The following CACTIN variants were observed in gnomAD, a reference collection of about 807,000 sequenced individuals.
The protein encoded by CACTIN is splicing factor Cactin.
A neutral mutation model predicts 84.9 loss-of-function variants in CACTIN; 20 were observed. That is an observed-to-expected ratio of 0.24 (90% CI 0.17 to 0.34). The LOEUF (loss-of-function observed/expected upper bound fraction) is 0.34, where lower values mean the gene tolerates loss of function less well. Ranked by LOEUF, CACTIN falls within the 10% of genes least tolerant of loss-of-function variation. The probability of loss-of-function intolerance (pLI) is 1.00; values close to 1 mark genes in which losing one functional copy is unlikely to be tolerated. For missense variants in CACTIN, 897 were observed against 1,117.2 expected, an observed-to-expected ratio of 0.80 and a Z score of 2.81; for synonymous variants, 549 against 467.9, an observed-to-expected ratio of 1.17 and a Z score of -2.24.
intron 6 of CACTIN, 176 bp from the exon 7 acceptor site, chr19:3,614,765 C>G: frequency 8.0e-6 from 5 of 622,406 alleles, no homozygotes; most frequent in Non-Finnish European, 2.9e-6. Flanking sequence ...CTGGCCACAG[C>G]GGAGGGGAGG....
Position 3,622,898 on chromosome 19 carries a change from G to A in CACTIN, c.642+790C>T, listed in dbSNP as rs147117128. ...AGGTTGGGCTGGTGTTCGGGGCAAAGAATGGCTGAAGCTTACACCGCAAGA... is the reference window on the plus strand; with the variant it reads ...AGGTTGGGCTGGTGTTCGGGGCAAAAAATGGCTGAAGCTTACACCGCAAGA... On this transcript the variant is annotated intron_variant, in intron 2 of 9. Coordinates refer to ENST00000429344, the MANE Select transcript of CACTIN (RefSeq NM_001080543.2). 1.4e-3 allele frequency among the ~76,000 whole-genome samples: 215 copies of A among 152,336 alleles called. 1 individual carries two copies. Among genetic ancestry groups the A allele is most frequent in the African/African-American group, 5.1e-3 (211 of 41,576 alleles).
rs2032928674 is a variant in CACTIN at position 3,610,781 on chromosome 19, G to C, written c.*1142C>G. ...CGGAACTATTTCCAGATGAGGCGGG[G>C]TGTCTGGGAGGGGCTGTGGGTGGTC... On this transcript the variant is annotated 3_prime_UTR_variant, in exon 10 of 10. Coordinates refer to ENST00000429344, the MANE Select transcript of CACTIN (RefSeq NM_001080543.2). 1 of 456,908 alleles carries C rather than the reference G, an allele frequency of 2.2e-6. No individual in the cohort carries two copies. Among genetic ancestry groups the C allele is most frequent in the Non-Finnish European group, 4.4e-6 (1 of 227,048 alleles). The allele number at this position is 456,908 out of a possible 1,614,324, so 28.3% of individuals were successfully genotyped here. A position where few individuals can be genotyped will look rare whatever the true frequency, so the allele number is the denominator to read the frequency against.
At position 3,612,307 on chromosome 19, in the gene CACTIN, G is replaced by A; in HGVS notation, c.1893C>T (p.Ala631=). The A allele has an allele frequency of 6.2e-7, 1 of 1,612,902 alleles. No individual in the cohort carries two copies. The highest frequency in any genetic ancestry group is 1.7e-5 in the Admixed American group (1 of 60,034). The change falls in exon 10 of 10, where the codon GCC becomes GCT. Residue 631 remains alanine, a synonymous_variant. Transcript: ENST00000429344. ...FSVEMPLTGK[A]YLWADKYRPR... ...GCCGGTACTTGTCGGCCCACAGGTAGGCCTTGCCGGTGAGTGGCATCTCCA... is the reference window on the plus strand; with the variant it reads ...GCCGGTACTTGTCGGCCCACAGGTAAGCCTTGCCGGTGAGTGGCATCTCCA...
At chr19:3,612,822 G>C in intron 9 of CACTIN, 1 of 714,144 alleles carries the variant, frequency 1.4e-6, no homozygotes, top group Non-Finnish European at 2.5e-6. Context: ...ACAGCGGCCG[G>C]TAAAAGCTTC....
In CACTIN at chr19:3,612,655, C is replaced by A. The variant is rs571773162; in HGVS notation, c.1787-242G>T. On this transcript the variant is annotated intron_variant, in intron 9 of 9. Transcript: ENST00000429344. Reference sequence around the variant, plus strand: ...TCCTGGGTGGGGACCAAGCGCAGCGCGCTTCCCCGCCGAGCGACAGGAGAA... The same window carrying A: ...TCCTGGGTGGGGACCAAGCGCAGCGAGCTTCCCCGCCGAGCGACAGGAGAA... The A allele has an allele frequency of 4.1e-4, 292 of 719,878 alleles. 2 individuals are homozygous for A. The African/African-American group carries it at 4.8e-3, about 12-fold the overall frequency. 44.6% of individuals were successfully genotyped at this position (719,878 alleles called of 1,614,324 possible).
Position 3,623,779 on chromosome 19 carries a change from T to C in CACTIN, c.551A>G (p.Lys184Arg). Residue 184 changes from lysine to arginine, a missense_variant, in exon 2 of 10, where the codon AAG (lysine) becomes AGG (arginine). Coordinates refer to ENST00000429344, the MANE Select transcript of CACTIN (RefSeq NM_001080543.2). The stretch of plus-strand genomic sequence containing the variant: ...CATGTACTCCTCACCCCAGCCCATC[T>C]TCTCCCGCTTCTTGCGCTCCTTGGC... ...KEAKERKKRE[K>R]MGWGEEYMGY... 6.2e-7 allele frequency: 1 copy of C among 1,613,964 alleles called. No individual in the cohort carries two copies. Among genetic ancestry groups the C allele is most frequent in the Non-Finnish European group, 8.5e-7 (1 of 1,179,872 alleles).
At position 3,613,228 on chromosome 19, in the gene CACTIN, GCCTCGC is replaced by G. The variant is rs377027152; in HGVS notation, c.1610_1615del (p.Gly537_Glu538del). On this transcript the variant is annotated inframe_deletion, in exon 9 of 10. Coordinates refer to ENST00000429344, the MANE Select transcript of CACTIN (RefSeq NM_001080543.2). ...GATCAGGTCCTCCTCCATGAGCACCGCCTCGCCCTCGCCCTCGCCCTCACCGTCCCC... is the reference window on the plus strand; with the variant it reads ...GATCAGGTCCTCCTCCATGAGCACCGCCTCGCCCTCGCCCTCACCGTCCCC... 1.9e-3 allele frequency: 3,103 copies of G among 1,611,100 alleles called. 2 individuals carry two copies. The highest frequency in any genetic ancestry group is 3.5e-3 in the African/African-American group (263 of 74,962).
At chr19:3,614,132 G>C (rs964733514) in intron 7 of CACTIN, among the ~76,000 whole-genome samples, 2 of 152,172 alleles carry the variant, frequency 1.3e-5, no homozygotes, top group East Asian at 3.9e-4. Context: ...GAAGCTCCTG[G>C]GGAGCCCTGT....
At chr19:3,612,670 C>T (rs976098327) in intron 9 of CACTIN, 12 of 711,958 alleles carry the variant, frequency 1.7e-5, no homozygotes, top group East Asian at 5.4e-5. Context: ...CCCCGCCGAG[C>T]GACAGGAGAA....
intron 1 of CACTIN, among the ~76,000 whole-genome samples, chr19:3,624,506 G>C (rs2033294234): frequency 6.6e-6 from 1 of 152,166 alleles, no homozygotes; most frequent in South Asian, 2.1e-4. Context: ...AGGCAGCGAT[G>C]GGTGGATTCG....
intron 6 of CACTIN, among the ~76,000 whole-genome samples, chr19:3,617,244 ACT>A (rs1468448323): frequency 6.6e-6 from 1 of 152,192 alleles, no homozygotes; most frequent in African/African-American, 2.4e-5. Flanking sequence ...GCGCCACTCA[ACT>A]CTCGCCTGGG....
At chr19:3,620,059 A>C in intron 4 of CACTIN, 68 bp downstream of exon 4, 2 of 1,574,416 alleles carry the variant, frequency 1.3e-6, no homozygotes, top group African/African-American at 1.3e-5. Context: ...AGTGGCTTCC[A>C]GAGTGACAGC....
Position 3,613,038 on chromosome 19 carries a change from G to A in CACTIN, c.1786+20C>T. ...CTCGCCCCACTGGCCCCACCCCCTG[G>A]CCTCCAGCCCCGCCCTTACCCGTGA... On this transcript the variant is annotated intron_variant, in intron 9 of 9. Transcript: ENST00000429344. 6.7e-7 allele frequency: 1 copy of A among 1,491,682 alleles called. No homozygotes were observed. Among genetic ancestry groups the A allele is most frequent in the Non-Finnish European group, 8.9e-7 (1 of 1,119,762 alleles). The allele number at this position is 1,491,682 out of a possible 1,614,324, so 92.4% of individuals were successfully genotyped here.
chr19:3,620,470 TG>T, intron 3 of CACTIN, 198 bp from the exon 4 acceptor site: 1 of 739,844 alleles, frequency 1.4e-6, no homozygotes, highest in Non-Finnish European at 2.3e-6. Context: ...TCAGATCAGC[TG>T]GGGCCCTCTC....
intron 6 of CACTIN, chr19:3,614,840 G>GC: frequency 1.8e-6 from 1 of 559,128 alleles, no homozygotes; most frequent in Non-Finnish European, 3.2e-6. Flanking sequence ...GGAGGCCCAG[G>GC]CCCCCAGCGT....
chr19:3,618,749 G>T, intron 6 of CACTIN, 126 bp downstream of exon 6: 1 of 751,964 alleles, frequency 1.3e-6, no homozygotes. Context: ...GCCCAGAAGG[G>T]GAGGCCCCAG....
intron 9 of CACTIN, chr19:3,612,798 C>T: frequency 4.3e-6 from 3 of 704,410 alleles, no homozygotes; most frequent in East Asian, 2.7e-5. Flanking sequence ...GGAGGCTGCC[C>T]AGGGAGTGCT....
intron 2 of CACTIN, among the ~76,000 whole-genome samples, chr19:3,622,682 C>T (rs534700902): frequency 2.6e-4 from 40 of 152,332 alleles, no homozygotes; most frequent in African/African-American, 8.9e-4. Context: ...CACCTGCCCA[C>T]GCCTTGATTT....
chr19:3,624,648 G>C (rs1284297185), intron 1 of CACTIN, among the ~76,000 whole-genome samples: 2 of 152,024 alleles, frequency 1.3e-5, no homozygotes, highest in African/African-American at 4.8e-5. Context: ...CGCGGGCAGG[G>C]AGGTGGCTGG....
Sources: allele counts gnomAD v4.1 joint callset (sites outside exome capture counted in the v4.1 genomes callset), GRCh38; gene constraint gnomAD v4.1.1; transcripts MANE v1.5; gene names NCBI Gene and HGNC (gene_info 2026-07-23, HGNC 2026-07-21).